EPM2A: variants seen among roughly 807,000 people sequenced by gnomAD.
EPM2A encodes the protein laforin.
A neutral mutation model predicts 26.5 loss-of-function variants in EPM2A; 21 were observed. The ratio of observed to expected loss-of-function variants is 0.79; its 90% CI spans 0.56 to 1.14. The LOEUF is 1.14. EPM2A is among the 50% of genes most tolerant of loss of function. The probability of loss-of-function intolerance (pLI) is 0.00; values close to 1 mark genes in which losing one functional copy is unlikely to be tolerated. For missense variants in EPM2A, 458 were observed against 440.8 expected, an observed-to-expected ratio of 1.04 and a Z score of -0.35; for synonymous variants, 217 against 177.6, an observed-to-expected ratio of 1.22 and a Z score of -1.76.
chr6:145,432,809 T>G (rs1256592127), intron 4 of EPM2A, among the ~76,000 whole-genome samples: 2 of 152,218 alleles, frequency 1.3e-5, no homozygotes, highest in African/African-American at 4.8e-5. Flanking sequence ...TTCATATTTG[T>G]TTAGTATAGC....
At chr6:145,552,183 A>T (rs1024423478) in intron 2 of EPM2A, among the ~76,000 whole-genome samples, 2 of 151,988 alleles carry the variant, frequency 1.3e-5, no homozygotes, top group African/African-American at 4.8e-5. Context: ...GAAATATACA[A>T]TATTTAAAGA....
chr6:145,481,208 T>C lies in EPM2A; in HGVS notation c.555+21314A>G, dbSNP rs74881397. 7.9e-4 allele frequency among the ~76,000 whole-genome samples: 120 copies of C among 152,306 alleles called. No individual in the cohort carries two copies. The East Asian group carries it at 0.018, about 22-fold the overall frequency. On this transcript the variant is annotated intron_variant, in intron 4 of 4. Coordinates refer to the EPM2A transcript ENST00000638717. Reference sequence around the variant, plus strand: ...GCTTTTTGTTCACTAATCTTTTATATCCTTTGGATAGTGGAGAAGGATGCC... The same window carrying C: ...GCTTTTTGTTCACTAATCTTTTATACCCTTTGGATAGTGGAGAAGGATGCC...
chr6:145,672,723 C>T (rs1254564064), intron 2 of EPM2A, among the ~76,000 whole-genome samples: 1 of 152,194 alleles, frequency 6.6e-6, no homozygotes, highest in Non-Finnish European at 1.5e-5. Flanking sequence ...ACAATAAAAA[C>T]AGAGGAATTA....
intron 2 of EPM2A, among the ~76,000 whole-genome samples, chr6:145,656,661 T>C (rs191012925): frequency 6.6e-6 from 1 of 152,310 alleles, no homozygotes; most frequent in Admixed American, 6.5e-5. Flanking sequence ...CATGATGACA[T>C]GATGTCAACA....
At chr6:145,411,728 A>G (rs1391738501) in intron 4 of EPM2A, among the ~76,000 whole-genome samples, 2 of 152,324 alleles carry the variant, frequency 1.3e-5, no homozygotes, top group South Asian at 2.1e-4. Context: ...AGCATTTTAT[A>G]TATGTTACTT....
At position 145,735,445 on chromosome 6, in the gene EPM2A, C is replaced by G; in HGVS notation, c.54G>C (p.Pro18=). The G allele has an allele frequency of 8.0e-7, 1 of 1,245,264 alleles. No individual in the cohort carries two copies. Among genetic ancestry groups the G allele is most frequent in the African/African-American group, 1.6e-5 (1 of 63,774 alleles). 77.1% of individuals were successfully genotyped at this position (1,245,264 alleles called of 1,614,324 possible). A position where few individuals can be genotyped will look rare whatever the true frequency, so the allele number is the denominator to read the frequency against. Residue 18 remains proline (P), a synonymous_variant, in exon 1 of 4, where the codon CCG becomes CCC. Transcript: ENST00000367519. ...VVPPAVAGAR[P]ELLVVGSRPE... is the part of the protein sequence containing the mutation. ...GCCGCGACCCCACCACCAGCAGCTC[C>G]GGCCGGGCGCCGGCCACGGCGGGTG... is the stretch of plus-strand genomic sequence containing the variant.
chr6:145,565,310 T>G (rs975655796), intron 2 of EPM2A, among the ~76,000 whole-genome samples: 1 of 152,290 alleles, frequency 6.6e-6, no homozygotes, highest in South Asian at 2.1e-4. Context: ...CATGGCAACA[T>G]GACCCCATGT....
chr6:145,635,901 G>T, intron 2 of EPM2A: 1 of 210,558 alleles, frequency 4.7e-6, no homozygotes, highest in Non-Finnish European at 9.7e-6. Flanking sequence ...AGGCATTCCG[G>T]TTTAAAAGTC....
chr6:145,428,075 G>GTTTTTTTTTTTTTTTTTTTTTGTT (rs11343322), intron 4 of EPM2A, among the ~76,000 whole-genome samples: 1 of 97,522 alleles, frequency 1.0e-5, no homozygotes, highest in African/African-American at 4.1e-5. Context: ...TGTGTTGATA[G>GTTTTTTTTTTTTTTTTTTTTTGTT]TTTTTTTTTT....
In EPM2A at chr6:145,675,562, A is replaced by C. The variant is rs577813398; in HGVS notation, c.476+10560T>G. ...ACCCATCTCACGTGCAGAGATACAC[A>C]TAGGCTCAAAATAAAGGGATGGAGG... On this transcript the variant is annotated intron_variant, in intron 2 of 3. Transcript: ENST00000367519. Among the ~76,000 whole-genome samples, 5 of 152,326 alleles carry C rather than the reference A, an allele frequency of 3.3e-5. No homozygotes were observed. In the South Asian group the frequency reaches 1.0e-3, roughly 32 times the overall value.
At chr6:145,589,772 G>A (rs1054306106) in intron 2 of EPM2A, among the ~76,000 whole-genome samples, 23 of 151,786 alleles carry the variant, frequency 1.5e-4, no homozygotes, top group Admixed American at 9.2e-4. Flanking sequence ...ACCAGCAGCC[G>A]GAGAGTGGAT....
intron 2 of EPM2A, among the ~76,000 whole-genome samples, chr6:145,506,107 A>T (rs1779969051): frequency 6.6e-6 from 1 of 152,210 alleles, no homozygotes; most frequent in Admixed American, 6.5e-5. Flanking sequence ...AAATGATGGA[A>T]AAAAAGAGAC....
At chr6:145,677,979 T>G (rs1182228044) in intron 2 of EPM2A, among the ~76,000 whole-genome samples, 1 of 152,210 alleles carries the variant, frequency 6.6e-6, no homozygotes, top group Non-Finnish European at 1.5e-5. Context: ...ATGACAATCA[T>G]AAGCAAAAAG....
At chr6:145,552,858 A>T (rs1236130116) in intron 2 of EPM2A, among the ~76,000 whole-genome samples, 1 of 152,124 alleles carries the variant, frequency 6.6e-6, no homozygotes, top group Non-Finnish European at 1.5e-5. Flanking sequence ...ATTTGATTTT[A>T]TCTGATTGGT....
At chr6:145,457,452 T>C (rs9386121) in intron 4 of EPM2A, among the ~76,000 whole-genome samples, 96,456 of 146,610 alleles carry the variant, frequency 0.66, 32,912 homozygotes, top group East Asian at 0.86. Context: ...CCACTGCACC[T>C]CAGCCTGGGC....
intron 2 of EPM2A, among the ~76,000 whole-genome samples, chr6:145,663,478 G>A (rs1030012318): frequency 2.0e-5 from 3 of 152,198 alleles, no homozygotes; most frequent in Admixed American, 6.5e-5. Flanking sequence ...TTCCCTTTCC[G>A]AGTCAAAGAA....
intron 2 of EPM2A, among the ~76,000 whole-genome samples, chr6:145,676,103 G>T (rs7772405): frequency 0.041 from 6,244 of 152,214 alleles, 430 homozygotes; most frequent in African/African-American, 0.14. Context: ...AATCAAATTA[G>T]AACTCAGGAT....
At chr6:145,535,059 A>G (rs556534021) in intron 2 of EPM2A, among the ~76,000 whole-genome samples, 8 of 152,274 alleles carry the variant, frequency 5.3e-5, no homozygotes, top group African/African-American at 1.9e-4. Context: ...CTTCCCAGGT[A>G]ATTTATTACT....
intron 2 of EPM2A, among the ~76,000 whole-genome samples, chr6:145,678,093 G>A (rs895124748): frequency 8.5e-5 from 13 of 152,064 alleles, no homozygotes; most frequent in African/African-American, 1.9e-4. Context: ...ATAGACTAAC[G>A]GAACACAACA....
Sources: allele counts gnomAD v4.1 joint callset (sites outside exome capture counted in the v4.1 genomes callset), GRCh38; gene constraint gnomAD v4.1.1; transcripts MANE v1.5; gene names NCBI Gene and HGNC (gene_info 2026-07-23, HGNC 2026-07-21).